TBX15: variants seen among roughly 807,000 people sequenced by gnomAD.
TBX15 encodes T-box transcription factor TBX15.
In TBX15, 18 loss-of-function variants were observed where a neutral mutation model predicts 53.9. That is an observed-to-expected ratio of 0.33 (90% CI 0.23 to 0.49). The LOEUF (loss-of-function observed/expected upper bound fraction) is 0.49. Among genes scored for constraint, TBX15 ranks in the 20% least tolerant of loss-of-function variants. The pLI, the probability that TBX15 is intolerant of heterozygous loss-of-function variation, is 0.98. For missense variants in TBX15, 692 were observed against 749.5 expected, an observed-to-expected ratio of 0.92 and a Z score of 0.90; for synonymous variants, 295 against 278.0, an observed-to-expected ratio of 1.06 and a Z score of -0.61.
At chr1:118,940,651 G>T (rs1656141697) in intron 1 of TBX15, among the ~76,000 whole-genome samples, 2 of 150,028 alleles carry the variant, frequency 1.3e-5, no homozygotes, top group Admixed American at 1.3e-4. Context: ...TAATGTATAT[G>T]AAAGCACTTC....
intron 1 of TBX15, among the ~76,000 whole-genome samples, chr1:118,968,840 C>A (rs1182897095): frequency 1.3e-5 from 2 of 152,120 alleles, no homozygotes; most frequent in African/African-American, 4.8e-5. Flanking sequence ...TTTACCTAGA[C>A]CCTCTTTTTG....
chr1:118,895,783 G>A (rs1654402725), intron 7 of TBX15, among the ~76,000 whole-genome samples: 1 of 152,162 alleles, frequency 6.6e-6, no homozygotes, highest in Admixed American at 6.5e-5. Context: ...GAGAGTTAAT[G>A]CTCAAGTTGT....
At chr1:118,981,088 G>A (rs887318542) in intron 1 of TBX15, among the ~76,000 whole-genome samples, 2 of 151,990 alleles carry the variant, frequency 1.3e-5, no homozygotes, top group Non-Finnish European at 2.9e-5. Flanking sequence ...CCCCCGCCTC[G>A]GCCTCCCAAA....
intron 1 of TBX15, among the ~76,000 whole-genome samples, chr1:118,942,791 G>T (rs1330980751): frequency 1.3e-5 from 2 of 152,164 alleles, no homozygotes; most frequent in East Asian, 3.8e-4. Context: ...AAGAAGAGAA[G>T]GTGCTTACAG....
intron 1 of TBX15, among the ~76,000 whole-genome samples, chr1:118,972,265 A>G (rs1279739095): frequency 6.6e-6 from 1 of 152,244 alleles, no homozygotes; most frequent in Non-Finnish European, 1.5e-5. Flanking sequence ...CTGCATGGAC[A>G]CATGTAATGT....
At chr1:118,929,034 A>G (rs1655694727) in intron 2 of TBX15, among the ~76,000 whole-genome samples, 1 of 152,226 alleles carries the variant, frequency 6.6e-6, no homozygotes, top group Non-Finnish European at 1.5e-5. Flanking sequence ...AACAGTCTAA[A>G]GAAAAGTTAA....
intron 6 of TBX15, among the ~76,000 whole-genome samples, chr1:118,905,334 C>T (rs953537922): frequency 6.6e-6 from 1 of 152,190 alleles, no homozygotes; most frequent in African/African-American, 2.4e-5. Flanking sequence ...TCGATGACAC[C>T]ATCCCTGGGC....
chr1:118,910,019 G>A (rs554588252), intron 6 of TBX15, among the ~76,000 whole-genome samples: 2 of 152,310 alleles, frequency 1.3e-5, no homozygotes, highest in South Asian at 2.1e-4. Context: ...GAGTGTGAGA[G>A]GCTTATGGGC....
intron 1 of TBX15, 21 bp downstream of exon 1, chr1:118,987,570 G>C (rs558653268): frequency 2.0e-6 from 3 of 1,537,888 alleles, no homozygotes; most frequent in Admixed American, 4.0e-5. Context: ...CGCCTCCCGC[G>C]GTCGGCTGCG....
intron 7 of TBX15, among the ~76,000 whole-genome samples, chr1:118,887,179 A>G (rs1228266575): frequency 6.6e-6 from 1 of 152,156 alleles, no homozygotes; most frequent in African/African-American, 2.4e-5. Context: ...ATCTTCCGTG[A>G]TGTAACTTCC....
At chr1:118,901,951 A>G (rs887387478) in intron 6 of TBX15, among the ~76,000 whole-genome samples, 3 of 152,108 alleles carry the variant, frequency 2.0e-5, no homozygotes, top group Non-Finnish European at 4.4e-5. Context: ...TCAGTTTGGT[A>G]GTGGAATTGT....
At chr1:118,954,960 T>C (rs1571203034) in intron 1 of TBX15, among the ~76,000 whole-genome samples, 1 of 152,250 alleles carries the variant, frequency 6.6e-6, no homozygotes, top group East Asian at 1.9e-4. Flanking sequence ...AATTACAATA[T>C]GTCAAGCTTC....
intron 1 of TBX15, among the ~76,000 whole-genome samples, chr1:118,937,600 A>G (rs951462575): frequency 6.6e-6 from 1 of 152,244 alleles, no homozygotes; most frequent in Non-Finnish European, 1.5e-5. Context: ...GTAGAGTCAG[A>G]TAAGAGATGT....
At chr1:118,913,811 T>C (rs1405053928) in intron 6 of TBX15, among the ~76,000 whole-genome samples, 1 of 152,208 alleles carries the variant, frequency 6.6e-6, no homozygotes, top group African/African-American at 2.4e-5. Context: ...CACCTATAGA[T>C]ACTTATCAGA....
chr1:118,986,485 A>T (rs965060210), intron 1 of TBX15, among the ~76,000 whole-genome samples: 1 of 152,206 alleles, frequency 6.6e-6, no homozygotes, highest in Non-Finnish European at 1.5e-5. Flanking sequence ...TAGCCTCGGG[A>T]GCATGGAAAT....
chr1:118,964,674 T>C (rs1254150775), intron 1 of TBX15, among the ~76,000 whole-genome samples: 1 of 152,254 alleles, frequency 6.6e-6, no homozygotes, highest in Non-Finnish European at 1.5e-5. Context: ...GAATGGGCTA[T>C]TTGTCTCAGG....
chr1:118,981,862 T>C (rs926844168), intron 1 of TBX15, among the ~76,000 whole-genome samples: 1 of 152,184 alleles, frequency 6.6e-6, no homozygotes, highest in Non-Finnish European at 1.5e-5. Context: ...AGTATGTCAG[T>C]CATGCACATA....
At chr1:118,984,436 G>A (rs1657751143) in intron 1 of TBX15, among the ~76,000 whole-genome samples, 1 of 152,274 alleles carries the variant, frequency 6.6e-6, no homozygotes, top group Non-Finnish European at 1.5e-5. Flanking sequence ...CCCTAGCTGA[G>A]GACTCCGGGT....
intron 1 of TBX15, among the ~76,000 whole-genome samples, chr1:118,950,436 G>C (rs1656478597): frequency 6.6e-6 from 1 of 152,234 alleles, no homozygotes; most frequent in South Asian, 2.1e-4. Flanking sequence ...TTGGGGCAGA[G>C]GCCACTTGAT....
Sources: allele counts gnomAD v4.1 joint callset (sites outside exome capture counted in the v4.1 genomes callset), GRCh38; gene constraint gnomAD v4.1.1; transcripts MANE v1.5; gene names NCBI Gene and HGNC (gene_info 2026-07-23, HGNC 2026-07-21).